The following ELAC2 variants were observed in gnomAD, a reference collection of about 807,000 sequenced individuals.
The protein encoded by ELAC2 is zinc phosphodiesterase ELAC protein 2.
In ELAC2, 92 loss-of-function variants were observed where a neutral mutation model predicts 105.2. The ratio of observed to expected loss-of-function variants is 0.87; its 90% CI spans 0.74 to 1.04. ELAC2 has a LOEUF of 1.04. Among genes scored for constraint, ELAC2 ranks in the 50% least tolerant of loss-of-function variants. ELAC2 has a pLI of 0.00. For missense variants in ELAC2, 1,099 were observed against 1,071.7 expected, an observed-to-expected ratio of 1.03 and a Z score of -0.36; for synonymous variants, 468 against 409.1, an observed-to-expected ratio of 1.14 and a Z score of -1.74.
chr17:13,017,027 G>A, intron 2 of ELAC2, 44 bp downstream of exon 2: 2 of 1,613,120 alleles, frequency 1.2e-6, no homozygotes, highest in Non-Finnish European at 1.7e-6. Flanking sequence ...CGGCTTTCAA[G>A]CCCCGTAATC....
intron 3 of ELAC2, among the ~76,000 whole-genome samples, chr17:13,016,435 G>A (rs2041725291): frequency 1.3e-5 from 2 of 152,178 alleles, no homozygotes; most frequent in Non-Finnish European, 2.9e-5. Context: ...ATTAAAATCT[G>A]TTCTCCTGAG....
In ELAC2 at chr17:12,998,504, T is replaced by C; in HGVS notation, c.1428A>G (p.Lys476=). The C allele has an allele frequency of 6.2e-7, 1 of 1,614,058 alleles. No individual in the cohort carries two copies. Among genetic ancestry groups the C allele is most frequent in the Non-Finnish European group, 8.5e-7 (1 of 1,179,900 alleles). Residue 476 remains lysine, a synonymous_variant, in exon 16 of 24, where the codon AAA becomes AAG. Coordinates refer to ENST00000338034, the MANE Select transcript of ELAC2 (RefSeq NM_018127.7). ...SAQDGPAPAE[K]RSQYPEIIFL... ...AGATGATTTCTGGGTACTGACTTCT[T>C]TTCTCTGTGAAAAAATCCATGTGAA...
chr17:13,014,580 T>C, intron 4 of ELAC2, 84 bp from the exon 5 acceptor site: 4 of 981,176 alleles, frequency 4.1e-6, no homozygotes, highest in Non-Finnish European at 6.6e-6. Flanking sequence ...AGGTTACCAA[T>C]AGGTATCAAC....
At position 12,995,766 on chromosome 17, in the gene ELAC2, T is replaced by G; in HGVS notation, c.1745A>C (p.Asn582Thr). The change falls in exon 19 of 24, where the codon AAC (asparagine) becomes ACC (threonine). Residue 582 changes from asparagine (N) to threonine (T), a missense_variant. Asn to Thr is a moderately conservative substitution (Grantham distance 65). Coordinates refer to ENST00000338034, the MANE Select transcript of ELAC2 (RefSeq NM_018127.7). Reference protein sequence around the residue: ...PLHPLLVVAPNQLKAWLQQYH... With the variant: ...PLHPLLVVAPTQLKAWLQQYH... Reference sequence around the variant, plus strand: ...CTGCTGGAGCCAGGCTTTGAGCTGGTTGGGGGCAACCACCAGCAAAGGGTG... The same window carrying G: ...CTGCTGGAGCCAGGCTTTGAGCTGGGTGGGGGCAACCACCAGCAAAGGGTG... 6.2e-7 allele frequency: 1 copy of G among 1,613,066 alleles called. No individual in the cohort carries two copies. Among genetic ancestry groups the G allele is most frequent in the Non-Finnish European group, 8.5e-7 (1 of 1,179,596 alleles).
chr17:12,993,333 C>T (rs1472112596), intron 23 of ELAC2, among the ~76,000 whole-genome samples: 1 of 152,188 alleles, frequency 6.6e-6, no homozygotes, highest in Non-Finnish European at 1.5e-5. Context: ...CGGCTCTGCC[C>T]CTTCATTCCG....
chr17:13,017,351 T>C lies in ELAC2; in HGVS notation c.246-230A>G, dbSNP rs111740144. ...TGGGTGCTAGGACAAAATGAGTCCT[T>C]TCTCCACCACCGGCTACACACCAGA... is the stretch of plus-strand genomic sequence containing the variant. On this transcript the variant is annotated intron_variant, in intron 1 of 23. Transcript: ENST00000338034. 3.0e-4 allele frequency: 187 copies of C among 629,996 alleles called. 2 individuals are homozygous for C. The African/African-American group carries it at 3.0e-3, about 10-fold the overall frequency. The allele number at this position is 629,996 out of a possible 1,614,324, so 39.0% of individuals were successfully genotyped here. A position where few individuals can be genotyped will look rare whatever the true frequency, so the allele number is the denominator to read the frequency against.
intron 17 of ELAC2, 53 bp downstream of exon 17, chr17:12,996,494 A>G (rs2040474747): frequency 1.2e-6 from 2 of 1,612,102 alleles, no homozygotes; most frequent in Non-Finnish European, 1.7e-6. Flanking sequence ...GGCCAACTCA[A>G]CGTGGCAGTG....
At chr17:13,011,560 C>A (rs1017480871) in intron 7 of ELAC2, 103 bp downstream of exon 7, 3 of 1,583,118 alleles carry the variant, frequency 1.9e-6, no homozygotes, top group Non-Finnish European at 2.6e-6. Flanking sequence ...GATCTGTTTA[C>A]ACACCTGGCT....
At chr17:13,010,528 A>T in intron 8 of ELAC2, 85 bp downstream of exon 8, 1 of 1,235,120 alleles carries the variant, frequency 8.1e-7, no homozygotes, top group Non-Finnish European at 1.2e-6. Flanking sequence ...AGGAGTGCCT[A>T]CCCTCAAATT....
At position 13,002,478 on chromosome 17, in the gene ELAC2, G is replaced by A. The variant is rs1347935204; in HGVS notation, c.1181C>T (p.Pro394Leu). 9.9e-6 allele frequency: 16 copies of A among 1,608,630 alleles called. No homozygotes were observed. The highest frequency in any genetic ancestry group is 4.0e-5 in the African/African-American group (3 of 74,870). ...KIQTQLNLIH[P>L]DIFPLLTSFR... is the part of the protein sequence containing the mutation. ...ACTGGTGAGCAGGGGGAAGATGTCC[G>A]GGTGGATGAGGTTGAGCTGGGTTTG... Residue 394 changes from proline to leucine, a missense_variant, in exon 13 of 24, where the codon CCG becomes CTG. Pro to Leu is a moderately conservative substitution (Grantham distance 98). Transcript: ENST00000338034.
rs1318229217 is a variant in ELAC2, at chr17:13,011,792, A to G, written c.560-10T>C. 1 of 1,614,008 alleles carries G rather than the reference A, an allele frequency of 6.2e-7. No individual in the cohort carries two copies. The highest frequency in any genetic ancestry group is 8.5e-7 in the Non-Finnish European group (1 of 1,180,036). On this transcript the variant is annotated splice_polypyrimidine_tract_variant and intron_variant, in intron 6 of 23. Coordinates refer to ENST00000338034, the MANE Select transcript of ELAC2 (RefSeq NM_018127.7). ...CCCCTCCTCTGTTCACCTGGTCAGT[A>G]CAGATACCACCAAATTACACACTGC...
chr17:13,002,784 G>C, intron 12 of ELAC2: 2 of 762,694 alleles, frequency 2.6e-6, no homozygotes, highest in Non-Finnish European at 4.4e-6. Flanking sequence ...TGCCTTTCAG[G>C]TGTGCTGGGA....
At position 12,996,527 on chromosome 17, in the gene ELAC2, T is replaced by C. The variant is rs770244642; in HGVS notation, c.1659+20A>G. The stretch of plus-strand genomic sequence containing the variant: ...GTGCCTCCTCCAGGCTCCAGCTTTG[T>C]GGTCCAGCCCAACACTCACCGTGTG... On this transcript the variant is annotated intron_variant, in intron 17 of 23. Transcript: ENST00000338034. 6.2e-7 allele frequency: 1 copy of C among 1,613,564 alleles called. No homozygotes were observed. Among genetic ancestry groups the C allele is most frequent in the Admixed American group, 1.7e-5 (1 of 60,006 alleles).
At position 13,017,994 on chromosome 17, in the gene ELAC2, C is replaced by G. The variant is rs1259692685; in HGVS notation, c.-47G>C. ...GAGAAAGCCGCCGGTCACCTACGCC[C>G]GCGTTTCCCGTGCACCACCTAGCCG... is the stretch of plus-strand genomic sequence containing the variant. On this transcript the variant is annotated 5_prime_UTR_variant, in exon 1 of 24. Coordinates refer to ENST00000338034, the MANE Select transcript of ELAC2 (RefSeq NM_018127.7). 3 of 1,533,748 alleles carry G rather than the reference C, an allele frequency of 2.0e-6. No individual in the cohort carries two copies. The highest frequency in any genetic ancestry group is 1.4e-5 in the African/African-American group (1 of 72,944).
chr17:12,994,722 C>T lies in ELAC2; in HGVS notation c.2029+42G>A. ...TGCATTCACCTCCAGCTACACAAACCCCAGAGCAACCTCAGGGTGGCTTGC... is the reference window on the plus strand; with the variant it reads ...TGCATTCACCTCCAGCTACACAAACTCCAGAGCAACCTCAGGGTGGCTTGC... On this transcript the variant is annotated intron_variant, in intron 21 of 23. Transcript: ENST00000338034. 4 of 1,613,266 alleles carry T rather than the reference C, an allele frequency of 2.5e-6. No individual in the cohort carries two copies. In the South Asian group the frequency reaches 4.4e-5, roughly 18 times the overall value.
Position 12,992,996 on chromosome 17 carries a change from T to C in ELAC2, c.2303A>G (p.Lys768Arg). ...CTCGATGTCGCCAGCAAACAGGGCT[T>C]TCAGTGGGGGAATCAGCTTGGGCAT... The part of the protein sequence containing the change: ...PTMPKLIPPL[K>R]ALFAGDIEEM... Residue 768 changes from lysine to arginine, a missense_variant, in exon 24 of 24, where the codon AAA becomes AGA. Transcript: ENST00000338034. The C allele has an allele frequency of 6.2e-7, 1 of 1,609,360 alleles. No homozygotes were observed. Among genetic ancestry groups the C allele is most frequent in the Non-Finnish European group, 8.5e-7 (1 of 1,179,998 alleles).
chr17:13,000,395 C>T, intron 14 of ELAC2, 121 bp from the exon 15 acceptor site: 2 of 921,232 alleles, frequency 2.2e-6, no homozygotes, highest in Non-Finnish European at 3.5e-6. Context: ...TTCAGATCAA[C>T]ACTGAAGGTT....
chr17:12,992,197 A>G lies in ELAC2; in HGVS notation c.*621T>C, dbSNP rs2040217011. 6.6e-6 allele frequency among the ~76,000 whole-genome samples: 1 copy of G among 152,110 alleles called. No individual in the cohort carries two copies. The highest frequency in any genetic ancestry group is 2.4e-5 in the African/African-American group (1 of 41,404). On this transcript the variant is annotated 3_prime_UTR_variant, in exon 24 of 24. Transcript: ENST00000338034. ...GTGAGCTGGCACAGCTCGAGTTGTC[A>G]AAAAGACTTGGCGAATAAGGGTGGC...
chr17:13,006,035 TA>T (rs773957601), intron 8 of ELAC2, 56 bp from the exon 9 acceptor site: 1 of 1,537,228 alleles, frequency 6.5e-7, no homozygotes, highest in East Asian at 2.2e-5. Context: ...AGGTTGGTTT[TA>T]ATCAATTTTC....
Sources: allele counts gnomAD v4.1 joint callset (sites outside exome capture counted in the v4.1 genomes callset), GRCh38; gene constraint gnomAD v4.1.1; transcripts MANE v1.5; gene names NCBI Gene and HGNC (gene_info 2026-07-23, HGNC 2026-07-21).